The following GPATCH2L variants were observed in gnomAD, a reference collection of about 807,000 sequenced individuals.
GPATCH2L encodes the protein G-patch domain containing 2 like.
A neutral mutation model predicts 57.4 loss-of-function variants in GPATCH2L; 31 were observed. That is an observed-to-expected ratio of 0.54 (90% CI 0.41 to 0.73). The LOEUF (loss-of-function observed/expected upper bound fraction) is 0.73, where lower values mean the gene tolerates loss of function less well. GPATCH2L is among the 30% of genes least tolerant of loss of function. The pLI is 0.00. For synonymous variants in GPATCH2L, 199 were observed against 210.7 expected, an observed-to-expected ratio of 0.94 and a Z score of 0.48; for missense variants, 481 against 599.9, an observed-to-expected ratio of 0.80 and a Z score of 2.07.
chr14:76,177,939 C>G (rs941819941), intron 6 of GPATCH2L, 49 bp from the exon 7 acceptor site: 2 of 1,600,214 alleles, frequency 1.2e-6, no homozygotes, highest in East Asian at 4.5e-5. Flanking sequence ...CAGGTAAGAT[C>G]ATTTTTCTTT....
Position 76,209,786 on chromosome 14 carries a change from C to T in GPATCH2L, c.*7935C>T, listed in dbSNP as rs1226770413. On this transcript the variant is annotated 3_prime_UTR_variant, in exon 10 of 10. Transcript: ENST00000261530. ...GGGGTTCCACTTTCATCAGATGTGA[C>T]CCTGTGTGTTCCTGATGTCTTTGAA... 6.6e-6 allele frequency: 1 copy of T among 152,156 alleles called. No homozygotes were observed. The highest frequency in any genetic ancestry group is 6.5e-5 in the Admixed American group (1 of 15,278). 9.4% of individuals were successfully genotyped at this position (152,156 alleles called of 1,614,324 possible).
intron 2 of GPATCH2L, among the ~76,000 whole-genome samples, chr14:76,235,124 C>T (rs1284631403): frequency 6.7e-6 from 1 of 149,260 alleles, no homozygotes; most frequent in Admixed American, 6.8e-5. Flanking sequence ...GCTGAGATCA[C>T]GCCGTTGCAC....
intron 7 of GPATCH2L, 69 bp downstream of exon 7, chr14:76,178,111 A>C (rs1424863422): frequency 7.7e-7 from 1 of 1,298,976 alleles, no homozygotes; most frequent in Admixed American, 1.7e-5. Context: ...TCCAACACTT[A>C]CTGGTAAAAA....
intron 9 of GPATCH2L, 45 bp downstream of exon 9, chr14:76,196,017 A>C: frequency 7.3e-7 from 1 of 1,362,182 alleles, no homozygotes; most frequent in South Asian, 1.2e-5. Context: ...ACCGTGTGCC[A>C]GGCACTAAAT....
intron 3 of GPATCH2L, among the ~76,000 whole-genome samples, chr14:76,168,123 G>C (rs1275658004): frequency 6.6e-6 from 1 of 152,208 alleles, no homozygotes; most frequent in Non-Finnish European, 1.5e-5. Context: ...CGTTCTCAAC[G>C]TAAAGCTATG....
At chr14:76,217,357 G>A (rs958592779), downstream of GPATCH2L, among the ~76,000 whole-genome samples, 1 of 152,060 alleles carries the variant, frequency 6.6e-6, no homozygotes, top group African/African-American at 2.4e-5. Flanking sequence ...TGTAACCTGG[G>A]TTAGCTATTG....
At chr14:76,176,759 T>C (rs1163129056) in intron 6 of GPATCH2L, 69 bp downstream of exon 6, 5 of 974,384 alleles carry the variant, frequency 5.1e-6, no homozygotes, top group South Asian at 1.3e-5. Context: ...GGGAGTTTTA[T>C]GGAGCAACTT....
At chr14:76,218,932 A>T (rs1454720903), downstream of GPATCH2L, among the ~76,000 whole-genome samples, 1 of 151,008 alleles carries the variant, frequency 6.6e-6, no homozygotes, top group Non-Finnish European at 1.5e-5. Flanking sequence ...TCTATACTTC[A>T]CCTCTTATAC....
intron 1 of GPATCH2L, among the ~76,000 whole-genome samples, chr14:76,221,885 A>G (rs779988417): frequency 1.3e-5 from 2 of 152,224 alleles, no homozygotes; most frequent in Admixed American, 1.3e-4. Flanking sequence ...GTATGATACT[A>G]CAATAATGGA....
intron 2 of GPATCH2L, among the ~76,000 whole-genome samples, chr14:76,231,616 A>AACACACACACACACAC (rs1203145233): frequency 3.1e-5 from 1 of 32,378 alleles, no homozygotes; most frequent in African/African-American, 1.1e-4. Flanking sequence ...TTAGAAACTA[A>AACACACACACACACAC]ACACATACAC....
intron 8 of GPATCH2L, among the ~76,000 whole-genome samples, chr14:76,190,281 A>C (rs2039919514): frequency 6.6e-6 from 1 of 152,170 alleles, no homozygotes; most frequent in South Asian, 2.1e-4. Context: ...TCCTCTTTCC[A>C]TTAATTGTTA....
chr14:76,230,864 C>T (rs544471056), intron 2 of GPATCH2L, among the ~76,000 whole-genome samples: 11 of 152,326 alleles, frequency 7.2e-5, no homozygotes, highest in Admixed American at 5.2e-4. Context: ...TTGTATTACC[C>T]GTTTCATGGT....
intron 9 of GPATCH2L, chr14:76,196,567 T>C (rs777166456): frequency 2.7e-4 from 43 of 159,710 alleles, no homozygotes; most frequent in Non-Finnish European, 5.5e-4. Flanking sequence ...CAATGCTCCA[T>C]ATGATGAACT....
intron 6 of GPATCH2L, 146 bp downstream of exon 6, chr14:76,176,836 A>G: frequency 3.3e-6 from 2 of 612,712 alleles, no homozygotes; most frequent in Non-Finnish European, 5.9e-6. Context: ...AAATATGGCA[A>G]CATCCTAAAC....
chr14:76,164,123 G>A (rs1044969162), intron 2 of GPATCH2L, among the ~76,000 whole-genome samples: 8 of 152,112 alleles, frequency 5.3e-5, no homozygotes, highest in African/African-American at 1.9e-4. Context: ...GCAAGGAAGT[G>A]GTATTGTTGC....
chr14:76,212,745 A>G lies in GPATCH2L; in HGVS notation c.*10894A>G, dbSNP rs1410902211. On this transcript the variant is annotated 3_prime_UTR_variant, in exon 10 of 10. Transcript: ENST00000261530. ...CTGTGTATTAGAGCGTACAGAAAAC[A>G]TAAGTTTCAGAACGGAAAAAAGGAA... 3 of 152,144 alleles carry G rather than the reference A, an allele frequency of 2.0e-5. No individual in the cohort carries two copies. The highest frequency in any genetic ancestry group is 7.2e-5 in the African/African-American group (3 of 41,428). The allele number at this position is 152,144 out of a possible 1,614,324, so 9.4% of individuals were successfully genotyped here.
intron 8 of GPATCH2L, among the ~76,000 whole-genome samples, chr14:76,188,750 T>A (rs952580404): frequency 1.3e-5 from 2 of 152,128 alleles, no homozygotes; most frequent in Non-Finnish European, 2.9e-5. Context: ...TTGTTGTGAT[T>A]GTGGGGTATT....
chr14:76,203,626 C>T lies in GPATCH2L; in HGVS notation c.*1775C>T, dbSNP rs1399741607. Reference sequence around the variant, plus strand: ...ATGCCTCTGAGTCACCCCTGGCTCTCATGCAGCAGTGTGTGTGCTTACAGG... The same window carrying T: ...ATGCCTCTGAGTCACCCCTGGCTCTTATGCAGCAGTGTGTGTGCTTACAGG... On this transcript the variant is annotated 3_prime_UTR_variant, in exon 10 of 10. Transcript: ENST00000261530. The T allele has an allele frequency of 3.3e-5, 5 of 152,456 alleles. No homozygotes were observed. The highest frequency in any genetic ancestry group is 5.9e-5 in the Non-Finnish European group (4 of 68,188). The allele number at this position is 152,456 out of a possible 1,614,324, so 9.4% of individuals were successfully genotyped here.
At chr14:76,214,442 A>AT (rs1297793098), downstream of GPATCH2L, 1 of 152,092 alleles carries the variant, frequency 6.6e-6, no homozygotes, top group Non-Finnish European at 1.5e-5. Context: ...ACCTTACCTA[A>AT]TTTTTTTAAA....
Sources: allele counts gnomAD v4.1 joint callset (sites outside exome capture counted in the v4.1 genomes callset), GRCh38; gene constraint gnomAD v4.1.1; transcripts MANE v1.5; gene names NCBI Gene and HGNC (gene_info 2026-07-23, HGNC 2026-07-21).